AK5: variants seen among roughly 807,000 people sequenced by gnomAD.
The protein encoded by AK5 is adenylate kinase 5.
AK5 carries 27 observed loss-of-function variants against 69.5 expected under a neutral mutation model. The ratio of observed to expected loss-of-function variants is 0.39; its 90% CI spans 0.29 to 0.54. The LOEUF is 0.54. Among genes scored for constraint, AK5 ranks in the 20% least tolerant of loss-of-function variants. AK5 has a pLI of 0.71. For missense variants in AK5, 531 were observed against 700.4 expected, an observed-to-expected ratio of 0.76 and a Z score of 2.73; for synonymous variants, 260 against 244.4, an observed-to-expected ratio of 1.06 and a Z score of -0.60.
intron 5 of AK5, among the ~76,000 whole-genome samples, chr1:77,334,012 T>C (rs1359345043): frequency 1.3e-5 from 2 of 152,230 alleles, no homozygotes; most frequent in African/African-American, 4.8e-5. Flanking sequence ...AATATTTATT[T>C]AGGTTTACCT....
At chr1:77,508,371 T>A (rs1657138818) in intron 10 of AK5, among the ~76,000 whole-genome samples, 2 of 152,204 alleles carry the variant, frequency 1.3e-5, no homozygotes, top group Non-Finnish European at 2.9e-5. Context: ...CAGGAATTTT[T>A]CCAAACAACT....
At chr1:77,383,544 A>C (rs923155850) in intron 6 of AK5, among the ~76,000 whole-genome samples, 1 of 152,198 alleles carries the variant, frequency 6.6e-6, no homozygotes, top group Non-Finnish European at 1.5e-5. Flanking sequence ...AATATCTGCT[A>C]CTTATGCTAA....
intron 10 of AK5, among the ~76,000 whole-genome samples, chr1:77,494,942 C>G (rs531471104): frequency 6.6e-6 from 1 of 151,956 alleles, no homozygotes; most frequent in African/African-American, 2.4e-5. Context: ...TCACCACGCT[C>G]GGCTAATTTT....
At chr1:77,528,697 A>G (rs569605370) in intron 12 of AK5, among the ~76,000 whole-genome samples, 31 of 152,192 alleles carry the variant, frequency 2.0e-4, no homozygotes, top group Non-Finnish European at 4.3e-4. Context: ...CATGTATGTA[A>G]TGCATGTATG....
At chr1:77,313,361 T>C (rs1426647012) in intron 5 of AK5, among the ~76,000 whole-genome samples, 1 of 152,110 alleles carries the variant, frequency 6.6e-6, no homozygotes, top group African/African-American at 2.4e-5. Flanking sequence ...AACCTTGAGG[T>C]CACAAACAGG....
chr1:77,317,253 A>C (rs535706585), intron 5 of AK5, among the ~76,000 whole-genome samples: 1 of 152,170 alleles, frequency 6.6e-6, no homozygotes, highest in Non-Finnish European at 1.5e-5. Flanking sequence ...GCTGGACTCC[A>C]TAGCAGCTCA....
At chr1:77,344,971 GA>G (rs1306211939) in intron 6 of AK5, among the ~76,000 whole-genome samples, 22 of 134,254 alleles carry the variant, frequency 1.6e-4, no homozygotes, top group Non-Finnish European at 3.2e-4. Flanking sequence ...TATTTTTAAA[GA>G]AAAAGGTCTT....
intron 6 of AK5, among the ~76,000 whole-genome samples, chr1:77,369,984 G>A (rs1207291336): frequency 6.6e-6 from 1 of 152,202 alleles, no homozygotes; most frequent in East Asian, 1.9e-4. Context: ...AGTTATATCT[G>A]CTTTGAGAAA....
chr1:77,457,724 A>C (rs1212293612), intron 8 of AK5, among the ~76,000 whole-genome samples: 2 of 152,088 alleles, frequency 1.3e-5, no homozygotes, highest in Non-Finnish European at 2.9e-5. Context: ...TTTATATTTA[A>C]AAGTTTTCTC....
intron 6 of AK5, among the ~76,000 whole-genome samples, chr1:77,386,937 A>T (rs1648075470): frequency 6.6e-6 from 1 of 152,066 alleles, no homozygotes; most frequent in Non-Finnish European, 1.5e-5. Context: ...AAGTGAGAAC[A>T]TGCAATATTT....
At chr1:77,498,313 T>C (rs940079998) in intron 10 of AK5, among the ~76,000 whole-genome samples, 9 of 152,056 alleles carry the variant, frequency 5.9e-5, no homozygotes, top group Admixed American at 3.3e-4. Flanking sequence ...GACTAGGAAG[T>C]AAGTAAATGG....
intron 8 of AK5, among the ~76,000 whole-genome samples, chr1:77,464,987 C>T (rs1654052091): frequency 6.6e-6 from 1 of 152,140 alleles, no homozygotes; most frequent in South Asian, 2.1e-4. Flanking sequence ...TTGCCAAGAA[C>T]CAGGGTGCTA....
intron 8 of AK5, among the ~76,000 whole-genome samples, chr1:77,476,527 G>A (rs1410170444): frequency 1.3e-5 from 2 of 152,234 alleles, no homozygotes; most frequent in East Asian, 3.9e-4. Flanking sequence ...TCCACTTTTA[G>A]CAAATGAATC....
intron 8 of AK5, among the ~76,000 whole-genome samples, chr1:77,480,288 G>A (rs1045565295): frequency 2.6e-5 from 4 of 152,310 alleles, no homozygotes; most frequent in Middle Eastern, 3.4e-3. Flanking sequence ...CCGCATTCCT[G>A]GTGAGAGTTG....
At chr1:77,357,016 C>T (rs12135900) in intron 6 of AK5, among the ~76,000 whole-genome samples, 24,322 of 152,086 alleles carry the variant, frequency 0.16, 2,068 homozygotes, top group Middle Eastern at 0.23. Context: ...TGTCTTCTTC[C>T]GATTTGGCTT....
chr1:77,498,202 A>G (rs1379958362), intron 10 of AK5, among the ~76,000 whole-genome samples: 3 of 152,166 alleles, frequency 2.0e-5, no homozygotes, highest in Non-Finnish European at 4.4e-5. Flanking sequence ...ACTAAAGTAT[A>G]ATGAAAATTG....
chr1:77,521,340 G>C (rs940630913), intron 11 of AK5, among the ~76,000 whole-genome samples: 2 of 152,070 alleles, frequency 1.3e-5, no homozygotes, highest in African/African-American at 4.8e-5. Context: ...CACCATGGTG[G>C]CCAGGCTGGT....
chr1:77,301,261 G>A (rs781114830), intron 5 of AK5, among the ~76,000 whole-genome samples: 6 of 152,146 alleles, frequency 3.9e-5, no homozygotes, highest in African/African-American at 7.2e-5. Context: ...CACTGGCCGC[G>A]TGGTTGAAAA....
intron 10 of AK5, among the ~76,000 whole-genome samples, chr1:77,498,262 TC>T (rs1656475349): frequency 6.6e-6 from 1 of 152,162 alleles, no homozygotes; most frequent in Admixed American, 6.5e-5. Context: ...TGACAGCAGT[TC>T]CAGAGGAATG....
Sources: gnomAD v4.1 joint callset for allele counts (sites outside exome capture counted in the v4.1 genomes callset) on GRCh38, gnomAD v4.1.1 for gene constraint, MANE v1.5 for transcripts, NCBI Gene and HGNC (gene_info 2026-07-23, HGNC 2026-07-21) for gene names.